KCNIP4: variants seen among roughly 807,000 people sequenced by gnomAD.
The protein encoded by KCNIP4 is Kv channel-interacting protein 4.
KCNIP4 carries 12 observed loss-of-function variants against 34.0 expected under a neutral mutation model. The ratio of observed to expected loss-of-function variants is 0.35; its 90% CI spans 0.23 to 0.57. KCNIP4 has a LOEUF of 0.57. Ranked by LOEUF, KCNIP4 falls within the 20% of genes least tolerant of loss-of-function variation. The probability of loss-of-function intolerance (pLI) is 0.83; values close to 1 mark genes in which losing one functional copy is unlikely to be tolerated. For synonymous variants in KCNIP4, 124 were observed against 102.2 expected, an observed-to-expected ratio of 1.21 and a Z score of -1.29; for missense variants, 238 against 311.7, an observed-to-expected ratio of 0.76 and a Z score of 1.78.
At chr4:21,358,034 C>G (rs1020588767) in intron 1 of KCNIP4, among the ~76,000 whole-genome samples, 8 of 152,152 alleles carry the variant, frequency 5.3e-5, no homozygotes, top group Admixed American at 3.9e-4. Context: ...GTGGATGAAG[C>G]TGGAAACCAT....
At chr4:21,482,223 T>A (rs962402720) in intron 1 of KCNIP4, among the ~76,000 whole-genome samples, 16 of 152,154 alleles carry the variant, frequency 1.1e-4, no homozygotes, top group Non-Finnish European at 1.8e-4. Flanking sequence ...GTGAGATGGG[T>A]TTCCTGAATA....
At chr4:20,751,660 G>T (rs1753662096) in intron 4 of KCNIP4, among the ~76,000 whole-genome samples, 1 of 152,112 alleles carries the variant, frequency 6.6e-6, no homozygotes, top group African/African-American at 2.4e-5. Context: ...CATAAATAAT[G>T]GCTCAAAACA....
At chr4:21,078,903 G>A (rs954103826) in intron 1 of KCNIP4, among the ~76,000 whole-genome samples, 2 of 152,088 alleles carry the variant, frequency 1.3e-5, no homozygotes, top group Non-Finnish European at 2.9e-5. Context: ...TGACTCTTCT[G>A]TCTAGAAACA....
chr4:20,880,369 T>C (rs934494530), intron 2 of KCNIP4, among the ~76,000 whole-genome samples: 1 of 152,160 alleles, frequency 6.6e-6, no homozygotes. Flanking sequence ...GCAGGAGTCT[T>C]ATGGGGTCCA....
At chr4:20,928,870 A>G (rs1730160053) in intron 1 of KCNIP4, among the ~76,000 whole-genome samples, 1 of 151,992 alleles carries the variant, frequency 6.6e-6, no homozygotes, top group African/African-American at 2.4e-5. Flanking sequence ...GAATGGACCA[A>G]TAAAAATTAA....
chr4:21,744,242 C>T (rs1716618336), intron 1 of KCNIP4, among the ~76,000 whole-genome samples: 1 of 152,142 alleles, frequency 6.6e-6, no homozygotes, highest in African/African-American at 2.4e-5. Flanking sequence ...GCCTACAACC[C>T]CTTGGTGAAT....
chr4:20,875,239 G>A (rs571794449), intron 2 of KCNIP4, among the ~76,000 whole-genome samples: 12 of 152,286 alleles, frequency 7.9e-5, no homozygotes, highest in African/African-American at 2.2e-4. Flanking sequence ...AACGTTGAAC[G>A]TAACTAGAGA....
At chr4:21,333,754 A>G (rs959468456) in intron 1 of KCNIP4, among the ~76,000 whole-genome samples, 24 of 152,118 alleles carry the variant, frequency 1.6e-4, no homozygotes, top group African/African-American at 5.8e-4. Flanking sequence ...CAACCAAAAA[A>G]AAATCAATAA....
intron 1 of KCNIP4, among the ~76,000 whole-genome samples, chr4:21,386,326 G>T (rs1165531737): frequency 6.6e-6 from 1 of 152,148 alleles, no homozygotes; most frequent in East Asian, 1.9e-4. Context: ...TACTGTTTAT[G>T]GTGCCAGTCA....
At chr4:21,801,891 G>A (rs940645120) in intron 1 of KCNIP4, among the ~76,000 whole-genome samples, 6 of 151,432 alleles carry the variant, frequency 4.0e-5, no homozygotes, top group African/African-American at 1.5e-4. Context: ...GAGCTATACA[G>A]AGAGAAGTCA....
At chr4:20,925,569 G>A (rs940237925) in intron 1 of KCNIP4, among the ~76,000 whole-genome samples, 1 of 152,126 alleles carries the variant, frequency 6.6e-6, no homozygotes, top group Non-Finnish European at 1.5e-5. Flanking sequence ...GCCCTCAGGG[G>A]CTGCTCTGTC....
At chr4:21,353,371 AC>A (rs1391314383) in intron 1 of KCNIP4, among the ~76,000 whole-genome samples, 1 of 152,176 alleles carries the variant, frequency 6.6e-6, no homozygotes, top group Non-Finnish European at 1.5e-5. Flanking sequence ...GCATGTTCTA[AC>A]CCATTGCAAG....
intron 1 of KCNIP4, among the ~76,000 whole-genome samples, chr4:21,714,779 C>A (rs1339632540): frequency 1.9e-5 from 1 of 52,672 alleles, no homozygotes; most frequent in Non-Finnish European, 3.1e-5. Context: ...TTAGTAATTT[C>A]CCTTTGATTA....
At chr4:21,385,738 C>G (rs537065958) in intron 1 of KCNIP4, among the ~76,000 whole-genome samples, 1 of 151,934 alleles carries the variant, frequency 6.6e-6, no homozygotes, top group Non-Finnish European at 1.5e-5. Flanking sequence ...AAGCTTAGAC[C>G]GAGAGATTAG....
chr4:21,329,471 T>C (rs769298255), intron 1 of KCNIP4, among the ~76,000 whole-genome samples: 46 of 152,180 alleles, frequency 3.0e-4, no homozygotes, highest in Non-Finnish European at 5.3e-4. Flanking sequence ...GTGTTAGGTA[T>C]CAGTATACAA....
intron 1 of KCNIP4, among the ~76,000 whole-genome samples, chr4:21,853,821 A>C (rs1169576472): frequency 1.3e-5 from 2 of 152,232 alleles, no homozygotes; most frequent in Admixed American, 6.5e-5. Flanking sequence ...CTGGGCTGCC[A>C]CAGGCAAGTC....
intron 1 of KCNIP4, among the ~76,000 whole-genome samples, chr4:21,045,253 T>TCTCTAAAACCAAACAATC (rs1742331613): frequency 2.0e-5 from 3 of 152,244 alleles, no homozygotes; most frequent in Non-Finnish European, 1.5e-5. Context: ...TTTTCAATGC[T>TCTCTAAAACCAAACAATC]CTCTAAAACC....
At chr4:21,248,459 A>C (rs965124821) in intron 1 of KCNIP4, among the ~76,000 whole-genome samples, 1 of 152,172 alleles carries the variant, frequency 6.6e-6, no homozygotes. Context: ...GTTTCTCTGA[A>C]TATTCAGTTG....
Position 21,215,072 on chromosome 4 carries a change from G to T in KCNIP4, c.62-332363C>A, listed in dbSNP as rs1757463674. Among the ~76,000 whole-genome samples the T allele has an allele frequency of 3.9e-5, 6 of 152,072 alleles. No individual in the cohort carries two copies. The South Asian group carries it at 1.2e-3, about 32-fold the overall frequency. ...TTAATCTTATAGGTACATATTGACAGCCAATTTATCTAATTACTCACATTC... is the reference window on the plus strand; with the variant it reads ...TTAATCTTATAGGTACATATTGACATCCAATTTATCTAATTACTCACATTC... On this transcript the variant is annotated intron_variant, in intron 1 of 8. Coordinates refer to ENST00000382152, the MANE Select transcript of KCNIP4 (RefSeq NM_025221.6).
Sources: gnomAD v4.1 joint callset for allele counts (sites outside exome capture counted in the v4.1 genomes callset) on GRCh38, gnomAD v4.1.1 for gene constraint, MANE v1.5 for transcripts, NCBI Gene and HGNC (gene_info 2026-07-23, HGNC 2026-07-21) for gene names.